The following EPHA3 variants were observed in gnomAD, a reference collection of about 807,000 sequenced individuals.
EPHA3 encodes EPH receptor A3, also known as ephrin type-A receptor 3.
EPHA3 carries 42 observed loss-of-function variants against 107.1 expected under a neutral mutation model. That is an observed-to-expected ratio of 0.39 (90% CI 0.31 to 0.51). The LOEUF (loss-of-function observed/expected upper bound fraction) is 0.51, where lower values mean the gene tolerates loss of function less well. Among genes scored for constraint, EPHA3 ranks in the 20% least tolerant of loss-of-function variants. EPHA3 has a pLI of 0.78. For missense variants in EPHA3, 1,183 were observed against 1,211.2 expected (o/e 0.98, Z 0.35); for synonymous variants, 461 against 424.8 (o/e 1.09, Z -1.05).
intron 2 of EPHA3, among the ~76,000 whole-genome samples, chr3:89,158,211 G>A (rs1281396529): frequency 1.3e-5 from 2 of 152,066 alleles, no homozygotes; most frequent in Non-Finnish European, 2.9e-5. Flanking sequence ...TTGAAGATAA[G>A]ATTTAAACCT....
intron 2 of EPHA3, 73 bp downstream of exon 2, chr3:89,127,346 A>T (rs1704116278): frequency 8.3e-7 from 1 of 1,207,722 alleles, no homozygotes; most frequent in Admixed American, 1.8e-5. Context: ...AATTTATTGT[A>T]TTCTCTAAAG....
At position 89,476,585 on chromosome 3, in the gene EPHA3, T is replaced by TTTTATTTATTTATTTA. The variant is rs60237041; in HGVS notation, c.2847-2795_2847-2780dup. ...ATTTACTTTCCATGACTATTATTATTTTTATTTATTTATTTATTTATTTAT... is the reference window on the plus strand; with the variant it reads ...ATTTACTTTCCATGACTATTATTATTTTTATTTATTTATTTATTTATTTATTTATTTATTTATTTAT... On this transcript the variant is annotated intron_variant, in intron 16 of 16. Transcript: ENST00000336596. 2.2e-3 allele frequency among the ~76,000 whole-genome samples: 287 copies of TTTTATTTATTTATTTA among 129,072 alleles called. 4 individuals are homozygous for TTTTATTTATTTATTTA. Among genetic ancestry groups the TTTTATTTATTTATTTA allele is most frequent in the African/African-American group, 7.6e-3 (269 of 35,552 alleles). 84.7% of individuals were successfully genotyped at this position (129,072 alleles called of 152,430 possible).
intron 7 of EPHA3, among the ~76,000 whole-genome samples, chr3:89,402,007 A>C (rs1483213092): frequency 6.6e-6 from 1 of 152,260 alleles, no homozygotes; most frequent in Non-Finnish European, 1.5e-5. Flanking sequence ...AATCAGGCAT[A>C]TTATGAGGCA....
intron 5 of EPHA3, among the ~76,000 whole-genome samples, chr3:89,392,103 A>G (rs1708755698): frequency 6.6e-6 from 1 of 152,130 alleles, no homozygotes; most frequent in Non-Finnish European, 1.5e-5. Flanking sequence ...TAATAGGGGA[A>G]CCATTTCAGT....
At chr3:89,281,996 C>G (rs1231819592) in intron 3 of EPHA3, among the ~76,000 whole-genome samples, 1 of 152,158 alleles carries the variant, frequency 6.6e-6, no homozygotes, top group East Asian at 1.9e-4. Flanking sequence ...TTATGATTAT[C>G]AAAGATGCAG....
intron 13 of EPHA3, among the ~76,000 whole-genome samples, chr3:89,445,255 A>G (rs1709857943): frequency 6.6e-6 from 1 of 152,152 alleles, no homozygotes; most frequent in African/African-American, 2.4e-5. Context: ...CTAACTGTCT[A>G]TGGACTTCAA....
At chr3:89,310,847 A>C (rs1421882628) in intron 3 of EPHA3, among the ~76,000 whole-genome samples, 1 of 152,022 alleles carries the variant, frequency 6.6e-6, no homozygotes, top group African/African-American at 2.4e-5. Context: ...AAGTATCAGC[A>C]ATAGTAAAAA....
At chr3:89,325,782 T>G (rs1707151085) in intron 3 of EPHA3, among the ~76,000 whole-genome samples, 1 of 152,086 alleles carries the variant, frequency 6.6e-6, no homozygotes, top group South Asian at 2.1e-4. Context: ...ATTATTCAAC[T>G]GGAAATTCAC....
At chr3:89,140,803 A>G (rs1237017402) in intron 2 of EPHA3, among the ~76,000 whole-genome samples, 1 of 151,692 alleles carries the variant, frequency 6.6e-6, no homozygotes, top group Non-Finnish European at 1.5e-5. Context: ...AGGGGCTTGT[A>G]GAATCTTTAG....
At chr3:89,181,358 A>AT (rs1025068938) in intron 2 of EPHA3, among the ~76,000 whole-genome samples, 3 of 151,710 alleles carry the variant, frequency 2.0e-5, no homozygotes, top group East Asian at 1.9e-4. Flanking sequence ...ACTTCTACTG[A>AT]TTTTTTTTCT....
At position 89,480,837 on chromosome 3, in the gene EPHA3, A is replaced by T. The variant is rs1710608295; in HGVS notation, c.*1335A>T. On this transcript the variant is annotated 3_prime_UTR_variant, in exon 17 of 17. Transcript: ENST00000336596. ...TGCACATGGTGCAGTTTTGGTGTGT[A>T]ACTTAGAAGGATTGAACTTCTTTGA... 1.3e-5 allele frequency: 3 copies of T among 232,264 alleles called. No individual in the cohort carries two copies. Among genetic ancestry groups the T allele is most frequent in the Non-Finnish European group, 2.6e-5 (3 of 117,208 alleles). 14.4% of individuals were successfully genotyped at this position (232,264 alleles called of 1,614,324 possible). A position where few individuals can be genotyped will look rare whatever the true frequency, so the allele number is the denominator to read the frequency against.
intron 15 of EPHA3, among the ~76,000 whole-genome samples, chr3:89,453,672 AG>A (rs1377886134): frequency 1.3e-5 from 2 of 152,190 alleles, no homozygotes; most frequent in African/African-American, 2.4e-5. Flanking sequence ...TATGTCAAGA[AG>A]TTTTTTTCTC....
chr3:89,253,583 C>A (rs919360284), intron 3 of EPHA3, among the ~76,000 whole-genome samples: 2 of 152,030 alleles, frequency 1.3e-5, no homozygotes, highest in African/African-American at 4.8e-5. Context: ...GGTCAGTTGT[C>A]TAATTCTTGC....
At chr3:89,379,645 G>C (rs73137350) in intron 5 of EPHA3, among the ~76,000 whole-genome samples, 1 of 152,278 alleles carries the variant, frequency 6.6e-6, no homozygotes, top group Non-Finnish European at 1.5e-5. Context: ...TGCTCTTTAA[G>C]AGTACGCCTA....
chr3:89,345,217 T>C (rs1163294740), intron 5 of EPHA3, among the ~76,000 whole-genome samples: 1 of 151,332 alleles, frequency 6.6e-6, no homozygotes, highest in Non-Finnish European at 1.5e-5. Context: ...ATAGAGAATG[T>C]ATGTGGCCTT....
intron 9 of EPHA3, among the ~76,000 whole-genome samples, chr3:89,410,930 G>C (rs990732589): frequency 6.6e-6 from 1 of 151,836 alleles, no homozygotes; most frequent in African/African-American, 2.4e-5. Context: ...TCTCCCATCT[G>C]TATTTATAGG....
At chr3:89,295,320 T>C (rs1417879528) in intron 3 of EPHA3, among the ~76,000 whole-genome samples, 2 of 152,172 alleles carry the variant, frequency 1.3e-5, no homozygotes, top group Admixed American at 6.6e-5. Flanking sequence ...TTTTTGTTCG[T>C]GGAGGATCTT....
chr3:89,165,113 A>G (rs1253434347), intron 2 of EPHA3, among the ~76,000 whole-genome samples: 1 of 152,192 alleles, frequency 6.6e-6, no homozygotes, highest in Admixed American at 6.5e-5. Context: ...AATACAGGAG[A>G]CATTTTGTAA....
chr3:89,475,839 C>T (rs548231784), intron 16 of EPHA3, among the ~76,000 whole-genome samples: 4 of 152,188 alleles, frequency 2.6e-5, no homozygotes, highest in Admixed American at 6.5e-5. Context: ...AACTTTTCCG[C>T]CACTCTTCTG....
Sources: gnomAD v4.1 joint callset for allele counts (sites outside exome capture counted in the v4.1 genomes callset) on GRCh38, gnomAD v4.1.1 for gene constraint, MANE v1.5 for transcripts, NCBI Gene and HGNC (gene_info 2026-07-23, HGNC 2026-07-21) for gene names.